The following TRIM14 variants were observed in gnomAD, a reference collection of about 807,000 sequenced individuals.
TRIM14 encodes tripartite motif containing 14, also known as tripartite motif-containing protein 14.
A neutral mutation model predicts 44.5 loss-of-function variants in TRIM14; 28 were observed. The ratio of observed to expected loss-of-function variants is 0.63; its 90% CI spans 0.47 to 0.86. The LOEUF is 0.86. TRIM14 is among the 40% of genes least tolerant of loss of function. The pLI, the probability that TRIM14 is intolerant of heterozygous loss-of-function variation, is 0.00. For missense variants in TRIM14, 607 were observed against 611.1 expected (o/e 0.99, Z 0.07); for synonymous variants, 299 against 269.2 (o/e 1.11, Z -1.08).
chr9:98,109,599 C>A (rs1021431184), intron 2 of TRIM14, among the ~76,000 whole-genome samples: 1 of 152,148 alleles, frequency 6.6e-6, no homozygotes, highest in African/African-American at 2.4e-5. Flanking sequence ...TGGGCTAATT[C>A]CTCCAAGAGA....
At chr9:98,109,745 A>AC (rs980451315) in intron 2 of TRIM14, 144 bp downstream of exon 2, 5 of 691,354 alleles carry the variant, frequency 7.2e-6, no homozygotes, top group African/African-American at 5.4e-5. Flanking sequence ...TTTCTAAAGA[A>AC]CCCTGAATTA....
Position 98,086,549 on chromosome 9 carries a change from T to G in TRIM14, c.*921A>C, listed in dbSNP as rs1764474425. The G allele has an allele frequency of 6.6e-6, 1 of 152,204 alleles. No individual in the cohort carries two copies. The highest frequency in any genetic ancestry group is 1.9e-4 in the East Asian group (1 of 5,200). The allele number at this position is 152,204 out of a possible 1,614,324, so 9.4% of individuals were successfully genotyped here. On this transcript the variant is annotated 3_prime_UTR_variant, in exon 6 of 6. Coordinates refer to ENST00000341469, the MANE Select transcript of TRIM14 (RefSeq NM_014788.4). ...TGCCCTTCCAAAGCCTCCAATTTAG[T>G]TGGAAAGACAGGTCCCAGATTTGTG...
At chr9:98,100,237 A>C in intron 2 of TRIM14, 73 bp from the exon 3 acceptor site, 1 of 1,378,866 alleles carries the variant, frequency 7.3e-7, no homozygotes, top group Non-Finnish European at 1.0e-6. Context: ...ACATGAAAAA[A>C]ATCATAACGT....
chr9:98,074,031 C>T (rs1829470866), intron 6 of TRIM14, among the ~76,000 whole-genome samples: 1 of 152,124 alleles, frequency 6.6e-6, no homozygotes, highest in Admixed American at 6.5e-5. Context: ...AATGATCCTC[C>T]TGCCTTGGCC....
the TRIM14 span, among the ~76,000 whole-genome samples, chr9:98,042,154 G>T: frequency 6.6e-6 from 1 of 151,524 alleles, no homozygotes; most frequent in South Asian, 2.1e-4. Context: ...TTAGCCGGGC[G>T]TGGTGGCAGG....
chr9:98,092,339 AAAG>A (rs1206236885), intron 4 of TRIM14, among the ~76,000 whole-genome samples: 1 of 152,232 alleles, frequency 6.6e-6, no homozygotes, highest in African/African-American at 2.4e-5. Flanking sequence ...GCTCAGAAAG[AAAG>A]AAGGAGGGGA....
At position 98,087,620 on chromosome 9, in the gene TRIM14, G is replaced by C; in HGVS notation, c.1179C>G (p.Val393=). The C allele has an allele frequency of 6.2e-7, 1 of 1,601,406 alleles. No individual in the cohort carries two copies. ...RPRDDLDRLG[V]FLDYEAGVLA... The stretch of plus-strand genomic sequence containing the variant: ...GGACGCCGGCCTCGTAGTCCAGGAA[G>C]ACGCCGAGCCGGTCGAGGTCGTCGC... The change falls in exon 6 of 6, where the codon GTC becomes GTG. Residue 393 remains valine (V), a synonymous_variant. Coordinates refer to ENST00000341469, the MANE Select transcript of TRIM14 (RefSeq NM_014788.4).
chr9:98,044,520 C>T, the TRIM14 span, among the ~76,000 whole-genome samples: 2 of 151,684 alleles, frequency 1.3e-5, no homozygotes, highest in Non-Finnish European at 2.9e-5. Context: ...ATTACAGGCA[C>T]GCGCCACCAT....
At chr9:98,064,957 G>A (rs1387284093), downstream of TRIM14, among the ~76,000 whole-genome samples, 3 of 152,130 alleles carry the variant, frequency 2.0e-5, no homozygotes, top group African/African-American at 7.2e-5. Flanking sequence ...TACGTAAAAA[G>A]GTTAGTTAGA....
At chr9:98,113,153 AAG>A (rs1826920782) in intron 1 of TRIM14, among the ~76,000 whole-genome samples, 1 of 150,186 alleles carries the variant, frequency 6.7e-6, no homozygotes. Flanking sequence ...AATTTTTTAT[AAG>A]TTTTTCTAAA....
At chr9:98,080,182 C>T (rs192490365), downstream of TRIM14, among the ~76,000 whole-genome samples, 15 of 152,284 alleles carry the variant, frequency 9.9e-5, no homozygotes, top group East Asian at 2.9e-3. Context: ...CCATTGCACT[C>T]CAGCCTTGGT....
At chr9:98,051,271 C>A in the TRIM14 span, among the ~76,000 whole-genome samples, 2 of 152,160 alleles carry the variant, frequency 1.3e-5, no homozygotes, top group Non-Finnish European at 2.9e-5. Flanking sequence ...AACCAAACCA[C>A]CTGAAATTAA....
intron 1 of TRIM14, among the ~76,000 whole-genome samples, chr9:98,117,842 G>A (rs988835126): frequency 2.0e-5 from 3 of 152,162 alleles, no homozygotes; most frequent in Admixed American, 6.5e-5. Flanking sequence ...ATGGATGGGT[G>A]AGACTCTTGA....
At chr9:98,073,271 CTTTTTTTTTTTTTTTTT>C (rs10606237) in intron 6 of TRIM14, among the ~76,000 whole-genome samples, 6 of 57,844 alleles carry the variant, frequency 1.0e-4, no homozygotes, top group Admixed American at 2.1e-4. Flanking sequence ...TCACCATGGG[CTTTTTTTTTTTTTTTTT>C]TTTTTTTTTT....
chr9:98,093,074 T>C (rs1393049922), intron 4 of TRIM14, among the ~76,000 whole-genome samples: 1 of 152,186 alleles, frequency 6.6e-6, no homozygotes, highest in Non-Finnish European at 1.5e-5. Context: ...ACTTCTCAAA[T>C]CTAACAGGTT....
At chr9:98,090,893 A>G (rs1323561100) in intron 5 of TRIM14, among the ~76,000 whole-genome samples, 1 of 152,094 alleles carries the variant, frequency 6.6e-6, no homozygotes, top group African/African-American at 2.4e-5. Flanking sequence ...CTTTGTATGG[A>G]AAATGTAAAT....
the TRIM14 span, among the ~76,000 whole-genome samples, chr9:98,048,707 G>A: frequency 5.0e-3 from 761 of 152,220 alleles, 9 homozygotes; most frequent in African/African-American, 0.016. Context: ...TGCTTCTTTG[G>A]CTTTTGAAAA....
the TRIM14 span, among the ~76,000 whole-genome samples, chr9:98,039,751 A>C: frequency 6.6e-6 from 1 of 151,990 alleles, no homozygotes; most frequent in Non-Finnish European, 1.5e-5. Context: ...CTATGATTTC[A>C]TCCCTGAACA....
chr9:98,087,108 G>C lies in TRIM14; in HGVS notation c.*362C>G, dbSNP rs1038365670. On this transcript the variant is annotated 3_prime_UTR_variant, in exon 6 of 6. Coordinates refer to ENST00000341469, the MANE Select transcript of TRIM14 (RefSeq NM_014788.4). The stretch of plus-strand genomic sequence containing the variant: ...TTTACTGTGTGCCTACTATGTGTCA[G>C]GTTCCTGTGCTGTACGAGGGAGAAG... The C allele has an allele frequency of 1.4e-5, 7 of 492,308 alleles. No individual in the cohort carries two copies. Among genetic ancestry groups the C allele is most frequent in the African/African-American group, 3.9e-5 (2 of 51,182 alleles). The allele number at this position is 492,308 out of a possible 1,614,324, so 30.5% of individuals were successfully genotyped here.
Sources: allele counts gnomAD v4.1 joint callset (sites outside exome capture counted in the v4.1 genomes callset), GRCh38; gene constraint gnomAD v4.1.1; transcripts MANE v1.5; gene names NCBI Gene and HGNC (gene_info 2026-07-23, HGNC 2026-07-21).